Variants in ATP6V1H observed in about 807,000 individuals in gnomAD.
The protein encoded by ATP6V1H is V-type proton ATPase subunit H.
In ATP6V1H, 39 loss-of-function variants were observed where a neutral mutation model predicts 71.7. That is an observed-to-expected ratio of 0.54 (90% CI 0.42 to 0.71). The LOEUF (loss-of-function observed/expected upper bound fraction) is 0.71. Among genes scored for constraint, ATP6V1H ranks in the 30% least tolerant of loss-of-function variants. ATP6V1H has a pLI of 0.00. For missense variants in ATP6V1H, 509 were observed against 594.9 expected (o/e 0.86, Z 1.50); for synonymous variants, 192 against 199.3 (o/e 0.96, Z 0.31).
chr8:53,769,971 C>T (rs117884943), intron 10 of ATP6V1H, among the ~76,000 whole-genome samples: 3,008 of 152,148 alleles, frequency 0.02, 54 homozygotes, highest in South Asian at 0.035. Flanking sequence ...AATTTGAATG[C>T]TGGGTATGAG....
rs1236858186 is a variant in ATP6V1H at position 53,792,964 on chromosome 8, C to G, written c.870+2683G>C. On this transcript the variant is annotated intron_variant, in intron 9 of 13. Transcript: ENST00000359530. The stretch of plus-strand genomic sequence containing the variant: ...TGACCACTAAATGGAGTTCCTGGGA[C>G]AATTATATGTGGAATACATTTAAAG... Among the ~76,000 whole-genome samples the G allele has an allele frequency of 3.9e-5, 6 of 152,032 alleles. No individual in the cohort carries two copies. The East Asian group carries it at 1.2e-3, about 29-fold the overall frequency.
chr8:53,788,090 A>T (rs906179824), intron 9 of ATP6V1H, among the ~76,000 whole-genome samples: 1 of 152,230 alleles, frequency 6.6e-6, no homozygotes, highest in Non-Finnish European at 1.5e-5. Flanking sequence ...GTATAAATCA[A>T]ATGGCTTTAC....
At chr8:53,798,040 A>G (rs1167157345) in intron 8 of ATP6V1H, among the ~76,000 whole-genome samples, 1 of 152,206 alleles carries the variant, frequency 6.6e-6, no homozygotes, top group Admixed American at 6.5e-5. Flanking sequence ...TAGCTCCAAT[A>G]TTTAGGAAGT....
intron 6 of ATP6V1H, among the ~76,000 whole-genome samples, chr8:53,813,648 C>A (rs1810355827): frequency 6.6e-6 from 1 of 152,152 alleles, no homozygotes; most frequent in African/African-American, 2.4e-5. Context: ...ACACTTCAAC[C>A]CTGTAAGCCT....
chr8:53,817,389 A>G, intron 5 of ATP6V1H, 28 bp downstream of exon 5: 1 of 1,512,806 alleles, frequency 6.6e-7, no homozygotes, highest in Non-Finnish European at 9.1e-7. Flanking sequence ...AAATTTTAAA[A>G]AAAGAATCCA....
intron 7 of ATP6V1H, among the ~76,000 whole-genome samples, chr8:53,803,762 T>A (rs1809990425): frequency 6.6e-6 from 1 of 152,190 alleles, no homozygotes; most frequent in South Asian, 2.1e-4. Context: ...TAAAACAACA[T>A]TCCATAATGA....
chr8:53,815,850 G>A (rs564630813), intron 5 of ATP6V1H, among the ~76,000 whole-genome samples: 1 of 152,328 alleles, frequency 6.6e-6, no homozygotes, highest in Non-Finnish European at 1.5e-5. Flanking sequence ...ATCAGCACAT[G>A]GTTAAACCAA....
chr8:53,828,335 G>A (rs1358146518), intron 4 of ATP6V1H, among the ~76,000 whole-genome samples: 1 of 152,188 alleles, frequency 6.6e-6, no homozygotes, highest in Non-Finnish European at 1.5e-5. Flanking sequence ...ACGGAAAGGA[G>A]AGACAAAGAA....
chr8:53,724,652 C>T (rs763780395), intron 13 of ATP6V1H, among the ~76,000 whole-genome samples: 1 of 144,146 alleles, frequency 6.9e-6, no homozygotes, highest in Non-Finnish European at 1.5e-5. Flanking sequence ...GACGGCAGTG[C>T]GCTGAGCTGA....
At chr8:53,780,288 T>A (rs1809061024) in intron 9 of ATP6V1H, among the ~76,000 whole-genome samples, 1 of 152,180 alleles carries the variant, frequency 6.6e-6, no homozygotes, top group African/African-American at 2.4e-5. Flanking sequence ...TTGTCCAAGA[T>A]AATGGCATTT....
intron 9 of ATP6V1H, among the ~76,000 whole-genome samples, chr8:53,789,687 C>G (rs531697335): frequency 1.2e-4 from 19 of 152,126 alleles, no homozygotes; most frequent in Non-Finnish European, 2.6e-4. Flanking sequence ...TCTATTTCAC[C>G]TTAAATAGAC....
intron 11 of ATP6V1H, 85 bp downstream of exon 11, chr8:53,769,533 C>A: frequency 7.4e-7 from 1 of 1,343,404 alleles, no homozygotes; most frequent in Non-Finnish European, 1.0e-6. Context: ...CATAGAATAT[C>A]TAAAATTTAG....
Position 53,814,585 on chromosome 8 carries a change from C to T in ATP6V1H, c.525+77G>A, listed in dbSNP as rs867931187. 6.4e-4 allele frequency: 510 copies of T among 792,624 alleles called. 1 individual carries two copies. Among genetic ancestry groups the T allele is most frequent in the Middle Eastern group, 1.7e-3 (5 of 2,962 alleles). 49.1% of individuals were successfully genotyped at this position (792,624 alleles called of 1,614,324 possible). A position where few individuals can be genotyped will look rare whatever the true frequency, so the allele number is the denominator to read the frequency against. On this transcript the variant is annotated intron_variant, in intron 6 of 13. Transcript: ENST00000359530. ...TTAATAAAACATTTTTGTAATTTAA[C>T]ATATTTACTATAAATAGCTTAAAAG...
intron 13 of ATP6V1H, among the ~76,000 whole-genome samples, chr8:53,727,745 C>T (rs1380450346): frequency 6.6e-6 from 1 of 152,164 alleles, no homozygotes; most frequent in Admixed American, 6.5e-5. Flanking sequence ...ATATTTCCAG[C>T]TTTTGAATTT....
At chr8:53,767,839 T>C (rs1412218174) in intron 11 of ATP6V1H, among the ~76,000 whole-genome samples, 1 of 152,176 alleles carries the variant, frequency 6.6e-6, no homozygotes, top group Non-Finnish European at 1.5e-5. Flanking sequence ...AGAACCCAAA[T>C]GTAAGAACTA....
chr8:53,809,760 T>C (rs1810211735), intron 7 of ATP6V1H, among the ~76,000 whole-genome samples: 1 of 152,174 alleles, frequency 6.6e-6, no homozygotes, highest in Non-Finnish European at 1.5e-5. Context: ...CTGGTAGAAA[T>C]TCAAGACACA....
At chr8:53,800,870 G>A (rs140112179) in intron 8 of ATP6V1H, among the ~76,000 whole-genome samples, 75 of 152,252 alleles carry the variant, frequency 4.9e-4, no homozygotes, top group African/African-American at 1.8e-3. Flanking sequence ...TAAAGGGTCT[G>A]TTGGACCCAG....
chr8:53,838,788 A>G (rs540407591), intron 2 of ATP6V1H, among the ~76,000 whole-genome samples: 2 of 152,320 alleles, frequency 1.3e-5, no homozygotes, highest in South Asian at 4.1e-4. Context: ...ATAACATATT[A>G]ATTTGTGAAG....
Position 53,715,996 on chromosome 8 carries a change from C to G in ATP6V1H, c.1420G>C (p.Glu474Gln). The G allele has an allele frequency of 6.2e-7, 1 of 1,606,722 alleles. No individual in the cohort carries two copies. Among genetic ancestry groups the G allele is most frequent in the Non-Finnish European group, 8.5e-7 (1 of 1,177,352 alleles). Residue 474 changes from glutamate (E) to glutamine (Q), a missense_variant, in exon 14 of 14, where the codon GAG (glutamate) becomes CAG (glutamine). Coordinates refer to ENST00000359530, the MANE Select transcript of ATP6V1H (RefSeq NM_015941.4). ...CGGGCGGCAGCGGTCTGGGGCTGCTCGGACTGGAGCTGCTTGCCAAGGTAT... is the reference window on the plus strand; with the variant it reads ...CGGGCGGCAGCGGTCTGGGGCTGCTGGGACTGGAGCTGCTTGCCAAGGTAT... The part of the protein sequence containing the change: ...WEYLGKQLQS[E>Q]QPQTAAARS
Sources: gnomAD v4.1 joint callset for allele counts (sites outside exome capture counted in the v4.1 genomes callset) on GRCh38, gnomAD v4.1.1 for gene constraint, MANE v1.5 for transcripts, NCBI Gene and HGNC (gene_info 2026-07-23, HGNC 2026-07-21) for gene names.